Variants in PCDHA11 observed in about 807,000 individuals in gnomAD.
The protein encoded by PCDHA11 is protocadherin alpha 11, also known as protocadherin alpha-11.
Under a neutral mutation model 70.3 loss-of-function variants are expected in PCDHA11, and 61 were observed. The ratio of observed to expected loss-of-function variants is 0.87; its 90% CI spans 0.71 to 1.07. PCDHA11 has a LOEUF of 1.07. Ranked by LOEUF, PCDHA11 falls within the 50% of genes least tolerant of loss-of-function variation. The pLI is 0.00. For missense variants in PCDHA11, 1,324 were observed against 1,237.5 expected (o/e 1.07, Z -1.05); for synonymous variants, 633 against 555.1 (o/e 1.14, Z -1.97).
rs142842369 is a variant in PCDHA11, at chr5:140,884,425, T to G, written c.2391+12931T>G. ...TGGTGCTCACGTTGCTGCTGTATAC[T>G]GCGCTGCGGTGCTCGGCACCGCCCA... On this transcript the variant is annotated intron_variant, in intron 1 of 3. Coordinates refer to ENST00000398640, the MANE Select transcript of PCDHA11 (RefSeq NM_018902.5). 1.3e-3 allele frequency: 2,026 copies of G among 1,613,950 alleles called. 4 individuals carry two copies. Among genetic ancestry groups the G allele is most frequent in the Admixed American group, 3.6e-3 (219 of 60,032 alleles).
At chr5:140,979,386 A>C (rs1374804536) in intron 2 of PCDHA11, among the ~76,000 whole-genome samples, 1 of 152,142 alleles carries the variant, frequency 6.6e-6, no homozygotes, top group East Asian at 1.9e-4. Flanking sequence ...TGTGCAATGT[A>C]TACATACATG....
intron 1 of PCDHA11, among the ~76,000 whole-genome samples, chr5:140,939,802 A>C (rs1347672258): frequency 6.6e-6 from 1 of 152,220 alleles, no homozygotes; most frequent in Admixed American, 6.5e-5. Context: ...AATGTTCTGC[A>C]TGTTCAAGAA....
In PCDHA11 at chr5:140,870,604, C is replaced by A. The variant is rs376574285; in HGVS notation, c.1501C>A (p.Arg501Ser). 10 of 1,613,134 alleles carry A rather than the reference C, an allele frequency of 6.2e-6. No homozygotes were observed. The African/African-American group carries it at 6.7e-5, about 11-fold the overall frequency. Reference sequence around the variant, plus strand: ...GCTGGTGGAGCGGCGGTTGGGCGACCGCGCGCTGTCGAGCTACGTGTCGGT... The same window carrying A: ...GCTGGTGGAGCGGCGGTTGGGCGACAGCGCGCTGTCGAGCTACGTGTCGGT... ...YSLVERRLGD[R>S]ALSSYVSVHA... The change falls in exon 1 of 4, where the codon CGC becomes AGC. Residue 501 changes from arginine (R) to serine (S), a missense_variant. Coordinates refer to ENST00000398640, the MANE Select transcript of PCDHA11 (RefSeq NM_018902.5).
chr5:140,908,949 G>A (rs2074237561), intron 1 of PCDHA11, among the ~76,000 whole-genome samples: 1 of 152,144 alleles, frequency 6.6e-6, no homozygotes, highest in South Asian at 2.1e-4. Context: ...CTTCACCTTA[G>A]AAGGAATATC....
chr5:140,877,094 G>C, intron 1 of PCDHA11: 1 of 1,613,310 alleles, frequency 6.2e-7, no homozygotes, highest in Non-Finnish European at 8.5e-7. Flanking sequence ...CGCGACGCCG[G>C]CGTGCCGCCT....
chr5:141,008,678 G>C (rs1463545809), intron 3 of PCDHA11, among the ~76,000 whole-genome samples: 1 of 152,112 alleles, frequency 6.6e-6, no homozygotes, highest in Non-Finnish European at 1.5e-5. Flanking sequence ...ATATACTTTA[G>C]TTATTGCATG....
intron 1 of PCDHA11, among the ~76,000 whole-genome samples, chr5:140,917,523 G>A (rs1201312809): frequency 2.0e-5 from 3 of 152,182 alleles, no homozygotes; most frequent in Non-Finnish European, 4.4e-5. Context: ...TTATTCTACG[G>A]TTTGTATAGT....
chr5:140,983,118 A>G (rs1251873984), intron 3 of PCDHA11, among the ~76,000 whole-genome samples: 1 of 152,220 alleles, frequency 6.6e-6, no homozygotes, highest in African/African-American at 2.4e-5. Flanking sequence ...CATCAACAAC[A>G]TTCTGCAGAC....
chr5:140,875,443 G>A, intron 1 of PCDHA11: 1 of 1,580,070 alleles, frequency 6.3e-7, no homozygotes. Flanking sequence ...AAAACTGATT[G>A]TCCCAACTCA....
intron 1 of PCDHA11, among the ~76,000 whole-genome samples, chr5:140,878,558 C>T: frequency 6.6e-6 from 1 of 152,172 alleles, no homozygotes; most frequent in African/African-American, 2.4e-5. Flanking sequence ...TGATCCCAAA[C>T]TTATCATAGT....
At chr5:140,919,417 T>C (rs782439186) in intron 1 of PCDHA11, among the ~76,000 whole-genome samples, 16 of 152,226 alleles carry the variant, frequency 1.1e-4, no homozygotes, top group Admixed American at 5.2e-4. Context: ...AGACTGACAA[T>C]TCTGCCTTTT....
chr5:140,969,351 G>A (rs1554231714), intron 1 of PCDHA11: 1 of 1,612,990 alleles, frequency 6.2e-7, no homozygotes, highest in Non-Finnish European at 8.5e-7. Flanking sequence ...TGGTCAGGGG[G>A]TCTTCTACAA....
chr5:140,876,269 C>T, intron 1 of PCDHA11: 2 of 1,614,036 alleles, frequency 1.2e-6, no homozygotes, highest in Non-Finnish European at 1.7e-6. Flanking sequence ...CAACTAAATG[C>T]TTCCGATCCA....
At chr5:141,007,199 G>A (rs561958637) in intron 3 of PCDHA11, among the ~76,000 whole-genome samples, 3 of 152,036 alleles carry the variant, frequency 2.0e-5, no homozygotes, top group African/African-American at 7.2e-5. Flanking sequence ...TGATGGTGGG[G>A]GCCAGAATAT....
chr5:140,869,208 C>T lies in PCDHA11; in HGVS notation c.105C>T (p.Val35=), dbSNP rs782200592. ...EVGSGQLHYS[V]SEEAKHGTFV... Reference sequence around the variant, plus strand: ...GGAGCGGCCAGCTCCACTACTCCGTCTCGGAGGAGGCCAAACACGGCACCT... The same window carrying T: ...GGAGCGGCCAGCTCCACTACTCCGTTTCGGAGGAGGCCAAACACGGCACCT... The change falls in exon 1 of 4, where the codon GTC becomes GTT. Residue 35 remains valine, a synonymous_variant. Transcript: ENST00000398640. The T allele has an allele frequency of 2.5e-6, 4 of 1,613,990 alleles. No homozygotes were observed. The highest frequency in any genetic ancestry group is 1.7e-4 in the Middle Eastern group (1 of 5,986).
chr5:140,871,588 T>C, intron 1 of PCDHA11, 94 bp downstream of exon 1: 1 of 1,463,366 alleles, frequency 6.8e-7, no homozygotes, highest in Non-Finnish European at 9.1e-7. Context: ...GAAAGTTTTA[T>C]GAATAACCAG....
At chr5:140,927,816 A>G in intron 1 of PCDHA11, 2 of 1,614,198 alleles carry the variant, frequency 1.2e-6, no homozygotes, top group Non-Finnish European at 1.7e-6. Flanking sequence ...TCTTGGAGGC[A>G]TACATTGAGG....
chr5:140,941,190 TTTTTCTTTCTTC>T (rs1475511565), intron 1 of PCDHA11, among the ~76,000 whole-genome samples: 3 of 129,438 alleles, frequency 2.3e-5, no homozygotes, highest in South Asian at 2.5e-4. Context: ...TGCTTCTTTT[TTTTTCTTTCTTC>T]CTTTCTTTCT....
At chr5:140,965,657 T>TA (rs2095920205) in intron 1 of PCDHA11, among the ~76,000 whole-genome samples, 2 of 152,196 alleles carry the variant, frequency 1.3e-5, no homozygotes, top group Non-Finnish European at 2.9e-5. Context: ...AGAAAATGTC[T>TA]TGGGTGATAA....
Sources: gnomAD v4.1 joint callset for allele counts (sites outside exome capture counted in the v4.1 genomes callset) on GRCh38, gnomAD v4.1.1 for gene constraint, MANE v1.5 for transcripts, NCBI Gene and HGNC (gene_info 2026-07-23, HGNC 2026-07-21) for gene names.